Variants in LRRC4C observed in about 807,000 individuals in gnomAD.
The protein encoded by LRRC4C is leucine-rich repeat-containing protein 4C.
In LRRC4C, 5 loss-of-function variants were observed where a neutral mutation model predicts 33.6. The observed-to-expected ratio is 0.15, with a 90% CI of 0.08 to 0.31. The LOEUF (loss-of-function observed/expected upper bound fraction) is 0.31. LRRC4C is among the 10% of genes least tolerant of loss of function. The probability of loss-of-function intolerance (pLI) is 1.00; values close to 1 mark genes in which losing one functional copy is unlikely to be tolerated. For missense variants in LRRC4C, 560 were observed against 796.7 expected (o/e 0.70, Z 3.58); for synonymous variants, 329 against 302.0 (o/e 1.09, Z -0.93).
intron 1 of LRRC4C, among the ~76,000 whole-genome samples, chr11:40,987,675 G>GATATATAT (rs200421544): frequency 7.6e-5 from 5 of 65,966 alleles, no homozygotes; most frequent in South Asian, 4.8e-4. Flanking sequence ...AGATATAAAT[G>GATATATAT]ATATATATAT....
chr11:41,035,728 C>T (rs1369223338), intron 1 of LRRC4C, among the ~76,000 whole-genome samples: 1 of 151,912 alleles, frequency 6.6e-6, no homozygotes, highest in Non-Finnish European at 1.5e-5. Flanking sequence ...TACTTGTTTA[C>T]AAATAAGGAA....
chr11:41,404,146 G>C (rs1399940538), intron 1 of LRRC4C, among the ~76,000 whole-genome samples: 1 of 152,008 alleles, frequency 6.6e-6, no homozygotes, highest in Non-Finnish European at 1.5e-5. Flanking sequence ...TAAAAGAAAT[G>C]CACCCATGTC....
chr11:41,405,130 C>A (rs557662018), intron 1 of LRRC4C, among the ~76,000 whole-genome samples: 13 of 152,102 alleles, frequency 8.5e-5, no homozygotes, highest in African/African-American at 2.6e-4. Context: ...ATGATGCTTT[C>A]AAACAAAATA....
intron 1 of LRRC4C, among the ~76,000 whole-genome samples, chr11:41,288,054 T>G (rs957042158): frequency 6.6e-6 from 1 of 152,202 alleles, no homozygotes; most frequent in Non-Finnish European, 1.5e-5. Flanking sequence ...AACTATTTAT[T>G]GGATTACTCT....
chr11:40,523,366 T>TA (rs1955903490), intron 3 of LRRC4C, among the ~76,000 whole-genome samples: 1 of 151,832 alleles, frequency 6.6e-6, no homozygotes. Flanking sequence ...TTCTCATTTT[T>TA]AAAATCAGGT....
intron 3 of LRRC4C, among the ~76,000 whole-genome samples, chr11:40,633,630 C>T (rs1337026128): frequency 2.0e-5 from 3 of 151,876 alleles, no homozygotes; most frequent in Non-Finnish European, 4.4e-5. Context: ...CTCAGGTGAT[C>T]CCATCCACCT....
At chr11:40,955,646 T>C (rs373713315) in intron 1 of LRRC4C, among the ~76,000 whole-genome samples, 1 of 151,756 alleles carries the variant, frequency 6.6e-6, no homozygotes, top group African/African-American at 2.4e-5. Flanking sequence ...CCTTTCTGTT[T>C]CCAAATGTTA....
At chr11:41,273,313 C>T (rs937522652) in intron 1 of LRRC4C, among the ~76,000 whole-genome samples, 1 of 152,028 alleles carries the variant, frequency 6.6e-6, no homozygotes, top group African/African-American at 2.4e-5. Flanking sequence ...GATTTCAGAC[C>T]ATTCACAATA....
intron 6 of LRRC4C, 108 bp from the exon 7 acceptor site, chr11:40,116,442 A>G: frequency 8.5e-7 from 1 of 1,179,462 alleles, no homozygotes; most frequent in Non-Finnish European, 1.2e-6. Flanking sequence ...ATCATGTGTG[A>G]GACAAATTAA....
At chr11:40,611,022 T>G (rs1401764906) in intron 3 of LRRC4C, among the ~76,000 whole-genome samples, 1 of 151,710 alleles carries the variant, frequency 6.6e-6, no homozygotes, top group African/African-American at 2.4e-5. Context: ...GGAAAAGAAA[T>G]AATCTTAAAA....
Position 40,308,154 on chromosome 11 carries a change from C to G in LRRC4C, c.-176+11474G>C, listed in dbSNP as rs565704737. 3.3e-5 allele frequency among the ~76,000 whole-genome samples: 5 copies of G among 152,066 alleles called. No individual in the cohort carries two copies. In the South Asian group the frequency reaches 8.3e-4, roughly 25 times the overall value. On this transcript the variant is annotated intron_variant, in intron 4 of 6. Coordinates refer to ENST00000528697, the MANE Select transcript of LRRC4C (RefSeq NM_001258419.2). ...GGCACTGATACTGAACCTTTTTTCC[C>G]CCCATCTCTTCCTGTGATTTCAGAA...
intron 3 of LRRC4C, among the ~76,000 whole-genome samples, chr11:40,401,146 A>G (rs1212858456): frequency 6.6e-6 from 1 of 150,654 alleles, no homozygotes; most frequent in Non-Finnish European, 1.5e-5. Flanking sequence ...ACACATGGTG[A>G]GCAGGAATAG....
At chr11:41,002,728 T>C (rs1052706355) in intron 1 of LRRC4C, among the ~76,000 whole-genome samples, 2 of 152,304 alleles carry the variant, frequency 1.3e-5, no homozygotes, top group Non-Finnish European at 2.9e-5. Flanking sequence ...GTAAGCCTCA[T>C]GACCATCTAG....
intron 1 of LRRC4C, among the ~76,000 whole-genome samples, chr11:41,058,212 C>CT (rs200080320): frequency 4.0e-5 from 6 of 149,480 alleles, no homozygotes; most frequent in South Asian, 4.3e-4. Flanking sequence ...TGACTCCCCC[C>CT]TTTGGGGCCT....
At chr11:40,877,351 C>T (rs755509969) in intron 2 of LRRC4C, among the ~76,000 whole-genome samples, 1 of 152,080 alleles carries the variant, frequency 6.6e-6, no homozygotes, top group African/African-American at 2.4e-5. Context: ...GTTTGTTGCC[C>T]ACGAAGGTGC....
intron 2 of LRRC4C, among the ~76,000 whole-genome samples, chr11:40,675,946 T>A (rs7952245): frequency 0.21 from 31,457 of 152,150 alleles, 3,703 homozygotes; most frequent in East Asian, 0.49. Flanking sequence ...TTAAGTATAG[T>A]AACTATGGTC....
intron 3 of LRRC4C, among the ~76,000 whole-genome samples, chr11:40,518,080 C>T (rs1455991789): frequency 6.6e-6 from 1 of 152,108 alleles, no homozygotes; most frequent in African/African-American, 2.4e-5. Flanking sequence ...AAACTGGACC[C>T]CTTCCTTACA....
intron 1 of LRRC4C, among the ~76,000 whole-genome samples, chr11:41,255,209 C>T (rs1948761660): frequency 6.6e-6 from 1 of 152,000 alleles, no homozygotes; most frequent in Non-Finnish European, 1.5e-5. Context: ...ACAGATGGAT[C>T]TTCTTCTCTT....
chr11:40,168,765 C>T (rs556210962), intron 5 of LRRC4C, among the ~76,000 whole-genome samples: 49 of 152,332 alleles, frequency 3.2e-4, no homozygotes, highest in Middle Eastern at 3.4e-3. Flanking sequence ...AGGAAAGTAA[C>T]AGGAAATCCT....
Sources: allele counts gnomAD v4.1 joint callset (sites outside exome capture counted in the v4.1 genomes callset), GRCh38; gene constraint gnomAD v4.1.1; transcripts MANE v1.5; gene names NCBI Gene and HGNC (gene_info 2026-07-23, HGNC 2026-07-21).